Variants in ANOS1 observed in about 807,000 individuals in gnomAD.
ANOS1 encodes anosmin 1.
Under a neutral mutation model 59.0 loss-of-function variants are expected in ANOS1, and 6 were observed. The observed-to-expected ratio is 0.10, with a 90% CI of 0.06 to 0.20. ANOS1 has a LOEUF of 0.20. Among genes scored for constraint, ANOS1 ranks in the 10% least tolerant of loss-of-function variants. The pLI, the probability that ANOS1 is intolerant of heterozygous loss-of-function variation, is 1.00. For synonymous variants in ANOS1, 217 were observed against 223.4 expected (o/e 0.97, Z 0.25); for missense variants, 433 against 542.3 (o/e 0.80, Z 2.00).
chrX:8,728,719 G>A (rs957619871), intron 1 of ANOS1, among the ~76,000 whole-genome samples: 1 of 112,248 alleles, frequency 8.9e-6, no homozygotes, highest in African/African-American at 3.2e-5. Flanking sequence ...GTTTCTTTTC[G>A]TGAATGAAGG....
rs751983276 is a variant in ANOS1 at position 8,623,707 on chromosome X, GAAAC to G, written c.256-41_256-38del. ...GAACAATAAAAATAAATAAAACATGGAAACAAACAAAGCTGAGAGGAAAAAAGAA... is the reference window on the plus strand; with the variant it reads ...GAACAATAAAAATAAATAAAACATGGAAACAAAGCTGAGAGGAAAAAAGAA... On this transcript the variant is annotated intron_variant, in intron 2 of 13. Transcript: ENST00000262648. 63 of 1,044,757 alleles carry G rather than the reference GAAAC, an allele frequency of 6.0e-5. No homozygotes were observed. The African/African-American group carries it at 1.0e-3, about 17-fold the overall frequency. The allele number at this position is 1,044,757 out of a possible 1,213,427, so 86.1% of individuals were successfully genotyped here. A position where few individuals can be genotyped will look rare whatever the true frequency, so the allele number is the denominator to read the frequency against.
At chrX:8,716,665 T>G (rs1245132113) in intron 1 of ANOS1, among the ~76,000 whole-genome samples, 1 of 111,708 alleles carries the variant, frequency 9.0e-6, no homozygotes, top group Non-Finnish European at 1.9e-5. Flanking sequence ...TGACACCTCA[T>G]TTGTGTCTGT....
chrX:8,663,732 TCC>T (rs935106804), intron 2 of ANOS1, among the ~76,000 whole-genome samples: 1 of 111,694 alleles, frequency 9.0e-6, no homozygotes, highest in African/African-American at 3.3e-5. Context: ...TTCCATACCT[TCC>T]CTTTCCTTCC....
At chrX:8,609,783 G>A (rs747888282) in intron 3 of ANOS1, among the ~76,000 whole-genome samples, 50 of 109,683 alleles carry the variant, frequency 4.6e-4, no homozygotes, top group African/African-American at 1.2e-3. Context: ...CAAGGCAGGC[G>A]GATCACGAGG....
intron 1 of ANOS1, among the ~76,000 whole-genome samples, chrX:8,702,210 T>C (rs1932760381): frequency 9.0e-6 from 1 of 111,510 alleles, no homozygotes; most frequent in Non-Finnish European, 1.9e-5. Context: ...AAGTTCGTTA[T>C]GATTTTTGGC....
At chrX:8,723,564 A>C (rs1408674129) in intron 1 of ANOS1, among the ~76,000 whole-genome samples, 1 of 112,496 alleles carries the variant, frequency 8.9e-6, no homozygotes, top group Non-Finnish European at 1.9e-5. Context: ...ACATGAAAAC[A>C]ATCTACAAAT....
At chrX:8,586,947 A>T (rs1930522971) in intron 5 of ANOS1, among the ~76,000 whole-genome samples, 1 of 100,577 alleles carries the variant, frequency 9.9e-6, no homozygotes. Context: ...TTTATTTTAC[A>T]TTTACTGAAA....
At chrX:8,559,602 ATTTTG>A (rs1040799183) in intron 8 of ANOS1, among the ~76,000 whole-genome samples, 1 of 111,544 alleles carries the variant, frequency 9.0e-6, no homozygotes, top group Admixed American at 9.5e-5. Flanking sequence ...GCTTTTTATT[ATTTTG>A]TTTTAATTTA....
intron 2 of ANOS1, among the ~76,000 whole-genome samples, chrX:8,629,447 T>C (rs1295335516): frequency 9.0e-6 from 1 of 111,295 alleles, no homozygotes; most frequent in African/African-American, 3.3e-5. Context: ...AGGGGATTCA[T>C]GAGACAATGT....
At chrX:8,721,973 A>G (rs1314727574) in intron 1 of ANOS1, among the ~76,000 whole-genome samples, 1 of 111,499 alleles carries the variant, frequency 9.0e-6, no homozygotes, top group Admixed American at 9.5e-5. Context: ...AGCTGGAATA[A>G]CTCAGCTAGC....
At chrX:8,704,682 A>T (rs1932772078) in intron 1 of ANOS1, among the ~76,000 whole-genome samples, 2 of 112,568 alleles carry the variant, frequency 1.8e-5, no homozygotes, top group African/African-American at 6.4e-5. Flanking sequence ...ATGATTTTTT[A>T]AAATTAGTGA....
At chrX:8,643,355 C>G (rs1931697051) in intron 2 of ANOS1, among the ~76,000 whole-genome samples, 1 of 110,950 alleles carries the variant, frequency 9.0e-6, no homozygotes. Context: ...TAAGTTGGGC[C>G]CTTTCATTTT....
chrX:8,544,762 A>AT (rs1362695222), intron 9 of ANOS1, among the ~76,000 whole-genome samples: 2 of 110,208 alleles, frequency 1.8e-5, no homozygotes, highest in African/African-American at 6.6e-5. Flanking sequence ...CAAAAAATAT[A>AT]TTTTTTAAAA....
intron 2 of ANOS1, among the ~76,000 whole-genome samples, chrX:8,675,113 C>T (rs527905503): frequency 1.1e-3 from 126 of 111,017 alleles, no homozygotes; most frequent in African/African-American, 3.9e-3. Flanking sequence ...GGGTCTAGTT[C>T]GTCTGGGCTC....
intron 2 of ANOS1, among the ~76,000 whole-genome samples, chrX:8,652,433 C>T (rs1372456536): frequency 8.9e-6 from 1 of 111,782 alleles, no homozygotes; most frequent in Non-Finnish European, 1.9e-5. Context: ...CTACACTCTA[C>T]TGAGTCCTCA....
intron 2 of ANOS1, among the ~76,000 whole-genome samples, chrX:8,650,075 T>C (rs1245685443): frequency 8.9e-6 from 1 of 112,849 alleles, no homozygotes; most frequent in African/African-American, 3.2e-5. Context: ...TTATGATAGT[T>C]TCCTGGGGGA....
At chrX:8,730,684 C>G (rs114445043) in intron 1 of ANOS1, among the ~76,000 whole-genome samples, 1 of 110,836 alleles carries the variant, frequency 9.0e-6, no homozygotes, top group South Asian at 3.9e-4. Context: ...ACCCCTCCCC[C>G]CAGCCCCCAT....
chrX:8,616,851 C>G (rs1325876307), intron 3 of ANOS1, among the ~76,000 whole-genome samples: 3 of 111,899 alleles, frequency 2.7e-5, no homozygotes, highest in Non-Finnish European at 5.6e-5. Flanking sequence ...CCACTAGACA[C>G]ACTACTGCAG....
chrX:8,665,505 A>G (rs191606739), intron 2 of ANOS1, among the ~76,000 whole-genome samples: 1 of 112,366 alleles, frequency 8.9e-6, no homozygotes, highest in East Asian at 2.8e-4. Flanking sequence ...TAGGTGGTAG[A>G]TATATGGGTA....
Sources: gnomAD v4.1 joint callset for allele counts (sites outside exome capture counted in the v4.1 genomes callset) on GRCh38, gnomAD v4.1.1 for gene constraint, MANE v1.5 for transcripts, NCBI Gene and HGNC (gene_info 2026-07-23, HGNC 2026-07-21) for gene names.